Variants in PPIL3 observed in about 807,000 individuals in gnomAD.
PPIL3 encodes peptidyl-prolyl cis-trans isomerase-like 3.
A neutral mutation model predicts 20.9 loss-of-function variants in PPIL3; 13 were observed. That is an observed-to-expected ratio of 0.62 (90% CI 0.40 to 0.99). The LOEUF (loss-of-function observed/expected upper bound fraction) is 0.99, where lower values mean the gene tolerates loss of function less well. PPIL3 is among the 50% of genes least tolerant of loss of function. The pLI, the probability that PPIL3 is intolerant of heterozygous loss-of-function variation, is 0.00. For missense variants in PPIL3, 170 were observed against 195.2 expected (o/e 0.87, Z 0.77); for synonymous variants, 71 against 64.4 (o/e 1.10, Z -0.49).
Position 200,887,692 on chromosome 2 carries a change from C to A in PPIL3, c.-70-7G>T. ...CGAGCTCAAAAATAAGTCTCTAGTC[C>A]CAAAAGAAAAAAAGAATTAGGCTCA... On this transcript the variant is annotated splice_polypyrimidine_tract_variant and splice_region_variant and intron_variant, in intron 1 of 6. Coordinates refer to ENST00000392283, the MANE Select transcript of PPIL3 (RefSeq NM_130906.3). 2 of 1,235,760 alleles carry A rather than the reference C, an allele frequency of 1.6e-6. No individual in the cohort carries two copies. Among genetic ancestry groups the A allele is most frequent in the Non-Finnish European group, 1.1e-6 (1 of 876,784 alleles). The allele number at this position is 1,235,760 out of a possible 1,614,324, so 76.5% of individuals were successfully genotyped here.
chr2:200,873,748 G>A (rs1405577653), intron 6 of PPIL3, among the ~76,000 whole-genome samples: 1 of 151,742 alleles, frequency 6.6e-6, no homozygotes, highest in East Asian at 2.0e-4. Context: ...TTACAAGCGT[G>A]AGTCACTGCA....
chr2:200,876,603 C>T (rs981337444), intron 6 of PPIL3, among the ~76,000 whole-genome samples: 98 of 151,616 alleles, frequency 6.5e-4, no homozygotes, highest in African/African-American at 2.3e-3. Context: ...CTGTAACTTC[C>T]GCCTCCCAGG....
chr2:200,871,682 T>G (rs768957735), intron 6 of PPIL3, among the ~76,000 whole-genome samples, 161 bp from the exon 7 acceptor site: 3 of 152,252 alleles, frequency 2.0e-5, no homozygotes, highest in Non-Finnish European at 2.9e-5. Context: ...ATCATAGATA[T>G]GGATCAAAAT....
At chr2:200,886,971 C>T (rs1315709833) in intron 2 of PPIL3, 1 of 152,260 alleles carries the variant, frequency 6.6e-6, no homozygotes, top group Non-Finnish European at 1.5e-5. Flanking sequence ...AGCCTAGTTG[C>T]CCACTTTAGA....
At position 200,873,195 on chromosome 2, in the gene PPIL3, C is replaced by G. The variant is rs12467704; in HGVS notation, c.360-1674G>C. Among the ~76,000 whole-genome samples, 10 of 140,732 alleles carry G rather than the reference C, an allele frequency of 7.1e-5. No individual in the cohort carries two copies. The Admixed American group carries it at 7.1e-4, about 10-fold the overall frequency. The allele number at this position is 140,732 out of a possible 152,430, so 92.3% of individuals were successfully genotyped here. A position where few individuals can be genotyped will look rare whatever the true frequency, so the allele number is the denominator to read the frequency against. On this transcript the variant is annotated intron_variant, in intron 6 of 6. Coordinates refer to ENST00000392283, the MANE Select transcript of PPIL3 (RefSeq NM_130906.3). ...AATTGTTTAATTATAGTATTTCTTTCTTTTTTTTTTTTTTTGAGATGGAGT... is the reference window on the plus strand; with the variant it reads ...AATTGTTTAATTATAGTATTTCTTTGTTTTTTTTTTTTTTTGAGATGGAGT...
At chr2:200,880,407 G>T (rs1228250693) in intron 5 of PPIL3, among the ~76,000 whole-genome samples, 1 of 109,024 alleles carries the variant, frequency 9.2e-6, no homozygotes, top group African/African-American at 5.4e-5. Context: ...TGATTGAGTA[G>T]ACTTTTTTTT....
chr2:200,882,803 G>A (rs1443103042), intron 3 of PPIL3, among the ~76,000 whole-genome samples: 3 of 151,652 alleles, frequency 2.0e-5, no homozygotes, highest in Non-Finnish European at 2.9e-5. Context: ...TGGAGGCTGA[G>A]GGAGGAGAAT....
rs754810449 is a variant in PPIL3, at chr2:200,882,399, C to T, written c.115G>A (p.Gly39Ser). 4.4e-6 allele frequency: 7 copies of T among 1,608,014 alleles called. No homozygotes were observed. Among genetic ancestry groups the T allele is most frequent in the Non-Finnish European group, 5.1e-6 (6 of 1,174,574 alleles). The change falls in exon 4 of 7, where the codon GGC becomes AGC. Residue 39 changes from glycine (G) to serine (S), a missense_variant. By Grantham distance (56) the Gly-to-Ser change is moderately conservative (BLOSUM62 0). Coordinates refer to ENST00000392283, the MANE Select transcript of PPIL3 (RefSeq NM_130906.3). Reference protein sequence around the residue: ...LALCASNYYNGCIFHRNIKGF... With the variant: ...LALCASNYYNSCIFHRNIKGF... ...TTGATATTCCTATGAAATATACAGCCATTGTAGTAATTACTGGCACAAAGA... is the reference window on the plus strand; with the variant it reads ...TTGATATTCCTATGAAATATACAGCTATTGTAGTAATTACTGGCACAAAGA...
chr2:200,872,878 T>G (rs2039365233), intron 6 of PPIL3, among the ~76,000 whole-genome samples: 1 of 151,598 alleles, frequency 6.6e-6, no homozygotes, highest in Non-Finnish European at 1.5e-5. Flanking sequence ...TGTACTTGTT[T>G]TTTTTTTTTT....
At position 200,885,394 on chromosome 2, in the gene PPIL3, TA is replaced by T. The variant is rs200625911; in HGVS notation, c.78+303del. Reference sequence around the variant, plus strand: ...TCAAAAAAAAATAATAATAAATAAATAAAAAAAAAGAAAGAAAAAAGTAATA... The same window carrying T: ...TCAAAAAAAAATAATAATAAATAAATAAAAAAAAGAAAGAAAAAAGTAATA... On this transcript the variant is annotated intron_variant, in intron 3 of 6. Transcript: ENST00000392283. The T allele has an allele frequency of 4.6e-3, 1,526 of 330,056 alleles. 8 individuals are homozygous for T. Among genetic ancestry groups the T allele is most frequent in the African/African-American group, 0.026 (1,175 of 45,948 alleles). 20.4% of individuals were successfully genotyped at this position (330,056 alleles called of 1,614,324 possible).
At chr2:200,876,050 C>A (rs2039498393) in intron 6 of PPIL3, among the ~76,000 whole-genome samples, 1 of 151,966 alleles carries the variant, frequency 6.6e-6, no homozygotes, top group East Asian at 1.9e-4. Flanking sequence ...TTTTTCAGAT[C>A]TGTTAGTTGC....
In PPIL3 at chr2:200,876,930, G is replaced by A. The variant is rs771697332; in HGVS notation, c.348C>T (p.Thr116=). ...ACCAGAATACTCACTTTCCAAATAC[G>A]GTGTATTTCATGTCCAAATGTGGCT... ...GKQPHLDMKY[T]VFGKVIDGLE... Residue 116 remains threonine (T), a synonymous_variant, in exon 6 of 7, where the codon ACC becomes ACT. Coordinates refer to ENST00000392283, the MANE Select transcript of PPIL3 (RefSeq NM_130906.3). 1.1e-5 allele frequency: 18 copies of A among 1,598,982 alleles called. No homozygotes were observed. Among genetic ancestry groups the A allele is most frequent in the East Asian group, 8.9e-5 (4 of 44,808 alleles).
intron 5 of PPIL3, among the ~76,000 whole-genome samples, chr2:200,880,300 C>G (rs750886770): frequency 1.3e-5 from 2 of 151,908 alleles, no homozygotes; most frequent in Non-Finnish European, 1.5e-5. Context: ...CTAGTCTCAT[C>G]ATCCAGAGAT....
At chr2:200,886,472 CTGGAGTGCAG>C (rs2039941641) in intron 2 of PPIL3, among the ~76,000 whole-genome samples, 1 of 151,438 alleles carries the variant, frequency 6.6e-6, no homozygotes, top group Non-Finnish European at 1.5e-5. Context: ...GTCGCCCACA[CTGGAGTGCAG>C]TGGCGTGATC....
At chr2:200,887,421 A>G (rs2039979946) in intron 2 of PPIL3, among the ~76,000 whole-genome samples, 192 bp downstream of exon 2, 1 of 151,746 alleles carries the variant, frequency 6.6e-6, no homozygotes, top group South Asian at 2.1e-4. Context: ...GTGCATTTTA[A>G]GTGACAACAT....
At chr2:200,872,767 G>T (rs997046975) in intron 6 of PPIL3, among the ~76,000 whole-genome samples, 1 of 152,098 alleles carries the variant, frequency 6.6e-6, no homozygotes, top group Admixed American at 6.5e-5. Context: ...TAGTCATAAA[G>T]ATTTCTTTGC....
intron 1 of PPIL3, chr2:200,888,554 TGTCGCCAGGCTGGAGTGCA>T (rs2040061620): frequency 5.5e-6 from 1 of 182,342 alleles, no homozygotes; most frequent in African/African-American, 2.4e-5. Flanking sequence ...AGTCTCGCTA[TGTCGCCAGGCTGGAGTGCA>T]GTGCGGCAGG....
In PPIL3 at chr2:200,878,189, T is replaced by C. The variant is rs1365694077; in HGVS notation, c.241-1152A>G. On this transcript the variant is annotated intron_variant, in intron 5 of 6. Transcript: ENST00000392283. ...TACACAAAAATATAGTTAATAAAAA[T>C]GTAAGTTAATAAAATAAGCACCCAT... Among the ~76,000 whole-genome samples the C allele has an allele frequency of 2.6e-5, 4 of 152,130 alleles. No individual in the cohort carries two copies. The South Asian group carries it at 6.2e-4, about 24-fold the overall frequency.
At position 200,871,380 on chromosome 2, in the gene PPIL3, C is replaced by T; in HGVS notation, c.*15G>A. 6.3e-7 allele frequency: 1 copy of T among 1,599,222 alleles called. No individual in the cohort carries two copies. On this transcript the variant is annotated 3_prime_UTR_variant, in exon 7 of 7. Transcript: ENST00000392283. ...TCCAGCAATTTGTCAAGTTATTTGT[C>T]CAGGTCTATCATAGCTACTGAGCAA...
Sources: allele counts gnomAD v4.1 joint callset (sites outside exome capture counted in the v4.1 genomes callset), GRCh38; gene constraint gnomAD v4.1.1; transcripts MANE v1.5; gene names NCBI Gene and HGNC (gene_info 2026-07-23, HGNC 2026-07-21).